GABRB2: variants seen among roughly 807,000 people sequenced by gnomAD.
GABRB2 encodes the protein gamma-aminobutyric acid type A receptor subunit beta2, also known as gamma-aminobutyric acid receptor subunit beta-2.
A neutral mutation model predicts 54.7 loss-of-function variants in GABRB2; 16 were observed. The ratio of observed to expected loss-of-function variants is 0.29; its 90% confidence interval spans 0.20 to 0.44. The LOEUF (loss-of-function observed/expected upper bound fraction) is 0.44. GABRB2 is among the 20% of genes least tolerant of loss of function. The pLI, the probability that GABRB2 is intolerant of heterozygous loss-of-function variation, is 1.00. For missense variants in GABRB2, 355 were observed against 644.0 expected, an observed-to-expected ratio of 0.55 and a Z score of 4.86; for synonymous variants, 244 against 233.8, an observed-to-expected ratio of 1.04 and a Z score of -0.40.
At chr5:161,322,424 C>T (rs2113382766) in intron 9 of GABRB2, among the ~76,000 whole-genome samples, 1 of 152,144 alleles carries the variant, frequency 6.6e-6, no homozygotes, top group East Asian at 1.9e-4. Context: ...TTTCTAGAGA[C>T]AGGATTTTAC....
intron 3 of GABRB2, among the ~76,000 whole-genome samples, chr5:161,537,827 C>T (rs1429672844): frequency 2.6e-5 from 4 of 152,198 alleles, no homozygotes; most frequent in Middle Eastern, 3.4e-3. Flanking sequence ...TCCCCACCTA[C>T]GGCTTCAACA....
intron 3 of GABRB2, among the ~76,000 whole-genome samples, chr5:161,542,066 A>G (rs1760837395): frequency 6.6e-6 from 1 of 152,078 alleles, no homozygotes; most frequent in African/African-American, 2.4e-5. Flanking sequence ...AGAGAGGGAG[A>G]CGGACAGGGG....
At chr5:161,339,220 G>GA (rs763501679) in intron 5 of GABRB2, among the ~76,000 whole-genome samples, 26 of 152,072 alleles carry the variant, frequency 1.7e-4, no homozygotes, top group Non-Finnish European at 2.8e-4. Context: ...GGTTATTTAT[G>GA]AAAAAAGATG....
chr5:161,506,610 G>C (rs1759613618), intron 3 of GABRB2, among the ~76,000 whole-genome samples: 1 of 152,106 alleles, frequency 6.6e-6, no homozygotes, highest in African/African-American at 2.4e-5. Context: ...TATAATGACA[G>C]ACCTGAATAA....
intron 4 of GABRB2, among the ~76,000 whole-genome samples, chr5:161,433,629 T>G (rs1025410523): frequency 2.0e-5 from 3 of 151,626 alleles, no homozygotes; most frequent in Non-Finnish European, 2.9e-5. Context: ...AAAATAAAAA[T>G]AAAAGAAAAA....
chr5:161,302,952 T>A (rs1170664359), intron 9 of GABRB2, among the ~76,000 whole-genome samples: 1 of 152,316 alleles, frequency 6.6e-6, no homozygotes, highest in Non-Finnish European at 1.5e-5. Context: ...AACTGGAAAG[T>A]AAACAGGAAA....
chr5:161,332,749 T>C (rs1186472601), intron 7 of GABRB2, among the ~76,000 whole-genome samples: 1 of 152,108 alleles, frequency 6.6e-6, no homozygotes, highest in Non-Finnish European at 1.5e-5. Context: ...ATTCCTATGA[T>C]TTTGGGGGGA....
intron 3 of GABRB2, among the ~76,000 whole-genome samples, chr5:161,468,271 A>T (rs2113289743): frequency 6.6e-6 from 1 of 152,230 alleles, no homozygotes; most frequent in South Asian, 2.1e-4. Context: ...ATGGCCTTTA[A>T]GGCCTATGTA....
At position 161,471,951 on chromosome 5, in the gene GABRB2, T is replaced by C. The variant is rs527251483; in HGVS notation, c.238-12107A>G. ...TTTGCATGCATTATTTCATTAATCA[T>C]CACAATAGCACTATAAGTTATATAT... On this transcript the variant is annotated intron_variant, in intron 3 of 9. Transcript: ENST00000393959. Among the ~76,000 whole-genome samples, 6 of 151,998 alleles carry C rather than the reference T, an allele frequency of 3.9e-5. No homozygotes were observed. In the South Asian group the frequency reaches 1.2e-3, roughly 32 times the overall value.
At chr5:161,454,806 C>T (rs1210036216) in intron 4 of GABRB2, among the ~76,000 whole-genome samples, 2 of 151,944 alleles carry the variant, frequency 1.3e-5, no homozygotes, top group Admixed American at 6.6e-5. Flanking sequence ...GAGAAGCCAC[C>T]GACAAAAGTC....
intron 4 of GABRB2, among the ~76,000 whole-genome samples, chr5:161,419,271 C>T (rs1216400673): frequency 1.3e-5 from 2 of 152,156 alleles, no homozygotes; most frequent in Non-Finnish European, 2.9e-5. Context: ...ACCATCTCAT[C>T]CCAGTCGGAA....
At chr5:161,446,329 G>A (rs1757614009) in intron 4 of GABRB2, among the ~76,000 whole-genome samples, 1 of 152,094 alleles carries the variant, frequency 6.6e-6, no homozygotes, top group African/African-American at 2.4e-5. Context: ...GAGTGTGCCT[G>A]TTTTATTAAA....
intron 4 of GABRB2, among the ~76,000 whole-genome samples, chr5:161,426,185 T>C (rs959474426): frequency 6.6e-6 from 1 of 152,162 alleles, no homozygotes; most frequent in African/African-American, 2.4e-5. Context: ...GTCTTGATTT[T>C]ACCTCTTGCT....
chr5:161,460,300 G>GTA (rs1652074748), intron 3 of GABRB2, among the ~76,000 whole-genome samples: 1 of 151,004 alleles, frequency 6.6e-6, no homozygotes, highest in South Asian at 2.1e-4. Flanking sequence ...GTGTGTGTGT[G>GTA]TATGTATGGC....
chr5:161,475,747 A>G (rs1468898674), intron 3 of GABRB2, among the ~76,000 whole-genome samples: 1 of 152,000 alleles, frequency 6.6e-6, no homozygotes, highest in Non-Finnish European at 1.5e-5. Context: ...AGCATTTACA[A>G]AATTTAGCAT....
chr5:161,545,408 C>A, intron 2 of GABRB2, 114 bp from the exon 3 acceptor site: 33 of 424,328 alleles, frequency 7.8e-5, no homozygotes, highest in Middle Eastern at 3.3e-4. Flanking sequence ...TACTCAATCT[C>A]AAATTTTTCA....
chr5:161,367,400 CAG>C (rs1385072091), intron 5 of GABRB2, among the ~76,000 whole-genome samples: 6 of 152,110 alleles, frequency 3.9e-5, no homozygotes, highest in African/African-American at 1.2e-4. Flanking sequence ...TCAGTGTAAT[CAG>C]TGTTAGTTAT....
At chr5:161,399,501 C>G (rs1434572315) in intron 5 of GABRB2, among the ~76,000 whole-genome samples, 1 of 152,130 alleles carries the variant, frequency 6.6e-6, no homozygotes, top group African/African-American at 2.4e-5. Flanking sequence ...TTCCATCTAG[C>G]AGCTAGAGCA....
At chr5:161,459,232 A>C (rs1024018019) in intron 4 of GABRB2, 3 of 217,328 alleles carry the variant, frequency 1.4e-5, no homozygotes, top group African/African-American at 7.0e-5. Context: ...TCAGAGGGCC[A>C]TGATCCCGTT....
Sources: allele counts gnomAD v4.1 joint callset (sites outside exome capture counted in the v4.1 genomes callset), GRCh38; gene constraint gnomAD v4.1.1; transcripts MANE v1.5; gene names NCBI Gene and HGNC (gene_info 2026-07-23, HGNC 2026-07-21).